Variants in ZBTB46 observed in about 807,000 individuals in gnomAD.
ZBTB46 encodes the protein zinc finger and BTB domain-containing protein 46.
ZBTB46 carries 8 observed loss-of-function variants against 44.1 expected under a neutral mutation model. The ratio of observed to expected loss-of-function variants is 0.18; its 90% CI spans 0.11 to 0.33. The LOEUF is 0.33. Among genes scored for constraint, ZBTB46 ranks in the 10% least tolerant of loss-of-function variants. ZBTB46 has a pLI of 1.00. For synonymous variants in ZBTB46, 409 were observed against 382.3 expected (o/e 1.07, Z -0.81); for missense variants, 651 against 847.7 (o/e 0.77, Z 2.88).
intron 1 of ZBTB46, 141 bp downstream of exon 1, chr20:63,830,956 G>GGGCGGGGCGT (rs1175498398): frequency 1.4e-5 from 2 of 142,228 alleles, no homozygotes; most frequent in African/African-American, 5.0e-5. Context: ...CGCCCCCGCG[G>GGGCGGGGCGT]GGCGGGGCGT....
intron 4 of ZBTB46, among the ~76,000 whole-genome samples, chr20:63,749,481 C>T (rs2092137934): frequency 6.6e-6 from 1 of 152,286 alleles, no homozygotes; most frequent in Admixed American, 6.5e-5. Flanking sequence ...GGACTACAGG[C>T]ACCCGCCACC....
chr20:63,800,231 T>G (rs1427919008), intron 1 of ZBTB46, among the ~76,000 whole-genome samples: 5 of 152,172 alleles, frequency 3.3e-5, no homozygotes, highest in Non-Finnish European at 5.9e-5. Context: ...TTACGCTGAG[T>G]AAGAGAAGAC....
intron 3 of ZBTB46, among the ~76,000 whole-genome samples, chr20:63,764,031 C>T (rs139819557): frequency 1.3e-5 from 2 of 151,956 alleles, no homozygotes; most frequent in East Asian, 3.9e-4. Context: ...TGCAGCAGTG[C>T]AGCCACAACT....
intron 3 of ZBTB46, among the ~76,000 whole-genome samples, chr20:63,754,845 C>T (rs184426994): frequency 6.4e-4 from 97 of 152,044 alleles, no homozygotes; most frequent in African/African-American, 2.3e-3. Flanking sequence ...GTGATCCGCC[C>T]GCCTCGGCCT....
At chr20:63,815,211 C>T in intron 1 of ZBTB46, 2 of 212,286 alleles carry the variant, frequency 9.4e-6, no homozygotes, top group Admixed American at 6.1e-5. Flanking sequence ...GTGCAGTGGG[C>T]ACGAGTGCAA....
intron 1 of ZBTB46, among the ~76,000 whole-genome samples, chr20:63,791,262 G>A (rs1417631997): frequency 6.6e-6 from 1 of 152,148 alleles, no homozygotes; most frequent in Non-Finnish European, 1.5e-5. Flanking sequence ...CTGGGAGGCC[G>A]AGGAGGGTGG....
intron 4 of ZBTB46, among the ~76,000 whole-genome samples, chr20:63,751,415 C>T (rs1280400761): frequency 6.6e-6 from 1 of 152,138 alleles, no homozygotes; most frequent in Non-Finnish European, 1.5e-5. Context: ...CAGCACACAT[C>T]CCAGGCGGCA....
intron 3 of ZBTB46, among the ~76,000 whole-genome samples, chr20:63,754,623 G>A (rs6011081): frequency 0.47 from 69,589 of 149,600 alleles, 17,330 homozygotes; most frequent in African/African-American, 0.64. Context: ...TTTTTTAGAC[G>A]GAGTCTCACT....
intron 4 of ZBTB46, among the ~76,000 whole-genome samples, chr20:63,748,362 C>G (rs1327930849): frequency 6.6e-6 from 1 of 152,218 alleles, no homozygotes; most frequent in Non-Finnish European, 1.5e-5. Context: ...CTACCACACA[C>G]TGCTGGGGAC....
chr20:63,781,663 G>A (rs2092470924), intron 2 of ZBTB46, among the ~76,000 whole-genome samples: 1 of 152,080 alleles, frequency 6.6e-6, no homozygotes, highest in Non-Finnish European at 1.5e-5. Flanking sequence ...GTGGTGCTGG[G>A]TGATTGTAAT....
At chr20:63,809,274 C>T (rs555340226) in intron 1 of ZBTB46, among the ~76,000 whole-genome samples, 1 of 152,172 alleles carries the variant, frequency 6.6e-6, no homozygotes, top group African/African-American at 2.4e-5. Context: ...CCACGCCCAG[C>T]GCGTCCAGTC....
intron 1 of ZBTB46, among the ~76,000 whole-genome samples, chr20:63,807,024 CACCT>C: frequency 6.6e-6 from 1 of 152,296 alleles, no homozygotes; most frequent in East Asian, 1.9e-4. Context: ...CCTCATGATG[CACCT>C]GCCTCGGCCT....
rs1240130143 is a variant in ZBTB46, at chr20:63,744,701, A to G, written c.*2229T>C. ...GGCAAACTGCGAACAAGAACAGGAA[A>G]TCTGCCACGCAGCAAACACTTGGGG... On this transcript the variant is annotated 3_prime_UTR_variant, in exon 5 of 5. Coordinates refer to ENST00000245663, the MANE Select transcript of ZBTB46 (RefSeq NM_001369741.1). 6.6e-6 allele frequency: 1 copy of G among 152,400 alleles called. No homozygotes were observed. The highest frequency in any genetic ancestry group is 1.5e-5 in the Non-Finnish European group (1 of 68,052). 9.4% of individuals were successfully genotyped at this position (152,400 alleles called of 1,614,324 possible).
Position 63,767,479 on chromosome 20 carries a change from T to A in ZBTB46, c.1222+8199A>T, listed in dbSNP as rs1490934302. On this transcript the variant is annotated intron_variant, in intron 3 of 4. Transcript: ENST00000245663. The surrounding 1 kb of genome is among the most constrained non-coding windows in gnomAD (Gnocchi z 5.0). ...TCCCAGTCACAGCTCTCCGCAGATA[T>A]CCCCCTCCGACGCGGCTGTTCGGTC... 6.6e-6 allele frequency among the ~76,000 whole-genome samples: 1 copy of A among 151,860 alleles called. No individual in the cohort carries two copies. Among genetic ancestry groups the A allele is most frequent in the Admixed American group, 6.6e-5 (1 of 15,246 alleles).
At chr20:63,821,176 C>T (rs1329338495) in intron 1 of ZBTB46, among the ~76,000 whole-genome samples, 27 of 149,980 alleles carry the variant, frequency 1.8e-4, no homozygotes, top group Admixed American at 1.3e-4. Context: ...TGAGCCACTG[C>T]GCCCGGCCTT....
intron 4 of ZBTB46, among the ~76,000 whole-genome samples, chr20:63,750,627 G>A (rs185171511): frequency 8.3e-4 from 127 of 152,128 alleles, no homozygotes; most frequent in African/African-American, 2.9e-3. Flanking sequence ...AGCCCTGGTC[G>A]GACACAGTGG....
At chr20:63,799,567 C>T (rs894293537) in intron 1 of ZBTB46, among the ~76,000 whole-genome samples, 10 of 152,236 alleles carry the variant, frequency 6.6e-5, no homozygotes, top group African/African-American at 9.6e-5. Flanking sequence ...AGGCTGGTCT[C>T]GAGCTCCTGG....
chr20:63,830,870 G>GGGGCC (rs1195077930), intron 1 of ZBTB46, among the ~76,000 whole-genome samples: 1 of 143,072 alleles, frequency 7.0e-6, no homozygotes, highest in Non-Finnish European at 1.5e-5. Context: ...GGCACCCGCG[G>GGGGCC]GGGCCGGGCC....
intron 4 of ZBTB46, among the ~76,000 whole-genome samples, chr20:63,748,363 T>A (rs1456199634): frequency 1.3e-5 from 2 of 152,190 alleles, no homozygotes; most frequent in African/African-American, 4.8e-5. Flanking sequence ...TACCACACAC[T>A]GCTGGGGACA....
Sources: allele counts gnomAD v4.1 joint callset (sites outside exome capture counted in the v4.1 genomes callset), GRCh38; gene constraint gnomAD v4.1.1; non-coding constraint Gnocchi (gnomAD v3.1); transcripts MANE v1.5; gene names NCBI Gene and HGNC (gene_info 2026-07-23, HGNC 2026-07-21).